Variants in CHST12 observed in about 807,000 individuals in gnomAD.
The protein encoded by CHST12 is carbohydrate sulfotransferase 12, also known as carbohydrate (chondroitin 4) sulfotransferase 12.
Under a neutral mutation model 27.9 loss-of-function variants are expected in CHST12, and 23 were observed. The observed-to-expected ratio is 0.82, with a 90% CI of 0.59 to 1.17. CHST12 has a LOEUF of 1.17. Ranked by LOEUF, CHST12 falls within the 50% of genes most tolerant of loss-of-function variation. The pLI, the probability that CHST12 is intolerant of heterozygous loss-of-function variation, is 0.00. For missense variants in CHST12, 682 were observed against 603.0 expected, an observed-to-expected ratio of 1.13 and a Z score of -1.37; for synonymous variants, 322 against 273.0, an observed-to-expected ratio of 1.18 and a Z score of -1.77.
chr7:2,407,559 G>A (rs949300256), intron 1 of CHST12, among the ~76,000 whole-genome samples: 1 of 152,180 alleles, frequency 6.6e-6, no homozygotes, highest in African/African-American at 2.4e-5. Context: ...GGGTTAAAGA[G>A]GCTCACCCAG....
At position 2,433,575 on chromosome 7, in the gene CHST12, G is replaced by A. The variant is rs780708618; in HGVS notation, c.936G>A (p.Thr312=). The A allele has an allele frequency of 5.6e-6, 9 of 1,613,570 alleles. No individual in the cohort carries two copies. The highest frequency in any genetic ancestry group is 2.2e-5 in the South Asian group (2 of 91,078). The change falls in exon 2 of 2, where the codon ACG becomes ACA. Residue 312 remains threonine, a synonymous_variant. Coordinates refer to ENST00000618655, the MANE Select transcript of CHST12 (RefSeq NM_018641.5). The surrounding 1 kb of genome is among the most constrained non-coding windows in gnomAD (Gnocchi z 6.1). ...TCCAGTACCTGCTGGACCCGCACAC[G>A]GAGAAGCTGGCGCCCTTCAACGAGC... The part of the protein sequence containing the change: ...NFIQYLLDPH[T]EKLAPFNEHW...
Position 2,432,780 on chromosome 7 carries a change from G to A in CHST12, c.141G>A (p.Pro47=), listed in dbSNP as rs1040334821. The change falls in exon 2 of 2, where the codon CCG becomes CCA. Residue 47 remains proline, a synonymous_variant. Coordinates refer to ENST00000618655, the MANE Select transcript of CHST12 (RefSeq NM_018641.5). ...CCTTCTCTAGGCCGCACACGGGGCC[G>A]CCGCTGCCCACGCCCGGGCCGGACA... ...HTSFSRPHTG[P]PLPTPGPDRD... The A allele has an allele frequency of 1.2e-6, 2 of 1,613,558 alleles. No homozygotes were observed. The highest frequency in any genetic ancestry group is 1.7e-6 in the Non-Finnish European group (2 of 1,179,780).
At position 2,442,071 on chromosome 7, in the gene CHST12, C is replaced by T. The variant is rs1476919947; in HGVS notation, c.*8187C>T. On this transcript the variant is annotated 3_prime_UTR_variant, in exon 2 of 2. Coordinates refer to ENST00000618655, the MANE Select transcript of CHST12 (RefSeq NM_018641.5). ...CCACTGTGCCGCCCCCCCAAAGCCC[C>T]TGGCACCAACCATTCTACTTCCTGT... 6.6e-6 allele frequency: 1 copy of T among 152,222 alleles called. No homozygotes were observed. The highest frequency in any genetic ancestry group is 1.9e-4 in the East Asian group (1 of 5,202). 9.4% of individuals were successfully genotyped at this position (152,222 alleles called of 1,614,324 possible). A position where few individuals can be genotyped will look rare whatever the true frequency, so the allele number is the denominator to read the frequency against.
rs17132395 is a variant in CHST12, at chr7:2,432,964, C to T, written c.325C>T (p.Arg109Cys). 2.5e-6 allele frequency: 4 copies of T among 1,609,346 alleles called. No homozygotes were observed. Among genetic ancestry groups the T allele is most frequent in the East Asian group, 2.2e-5 (1 of 44,768 alleles). Reference sequence around the variant, plus strand: ...CGTGAGAGGCTACGACTGGTCCCCGCGCGACGCCCGGCGCAGCCCAGACCA... The same window carrying T: ...CGTGAGAGGCTACGACTGGTCCCCGTGCGACGCCCGGCGCAGCCCAGACCA... ...ESVRGYDWSPRDARRSPDQGR... is the reference protein window; with the variant it reads ...ESVRGYDWSPCDARRSPDQGR... The change falls in exon 2 of 2, where the codon CGC becomes TGC. Residue 109 changes from arginine to cysteine, a missense_variant. Coordinates refer to ENST00000618655, the MANE Select transcript of CHST12 (RefSeq NM_018641.5).
intron 1 of CHST12, among the ~76,000 whole-genome samples, chr7:2,429,271 C>T (rs891516672): frequency 3.3e-5 from 5 of 152,192 alleles, no homozygotes; most frequent in African/African-American, 7.2e-5. Context: ...GACAGGGTTT[C>T]GCCATGTTGG....
chr7:2,424,238 C>T (rs1177153506), intron 1 of CHST12, among the ~76,000 whole-genome samples: 2 of 151,414 alleles, frequency 1.3e-5, no homozygotes, highest in African/African-American at 2.4e-5. Flanking sequence ...CACCCATGGC[C>T]CCAGCTTTTT....
rs1246381664 is a variant in CHST12 at position 2,440,976 on chromosome 7, T to G, written c.*7092T>G. ...TTTTTCCTTGTCTAAGCACCATCCTTGCTTAGGAGAGACACGGCTGTGGCT... is the reference window on the plus strand; with the variant it reads ...TTTTTCCTTGTCTAAGCACCATCCTGGCTTAGGAGAGACACGGCTGTGGCT... On this transcript the variant is annotated 3_prime_UTR_variant, in exon 2 of 2. Transcript: ENST00000618655. The G allele has an allele frequency of 2.0e-5, 3 of 152,158 alleles. No homozygotes were observed. Among genetic ancestry groups the G allele is most frequent in the Non-Finnish European group, 4.4e-5 (3 of 68,022 alleles). The allele number at this position is 152,158 out of a possible 1,614,324, so 9.4% of individuals were successfully genotyped here. A position where few individuals can be genotyped will look rare whatever the true frequency, so the allele number is the denominator to read the frequency against.
At chr7:2,425,964 G>T (rs1782107407) in intron 1 of CHST12, among the ~76,000 whole-genome samples, 1 of 152,114 alleles carries the variant, frequency 6.6e-6, no homozygotes, top group South Asian at 2.1e-4. Flanking sequence ...TGGGGGAAGG[G>T]CCTGGCAGAA....
At chr7:2,423,137 A>G (rs1179507608) in intron 1 of CHST12, among the ~76,000 whole-genome samples, 4 of 151,694 alleles carry the variant, frequency 2.6e-5, no homozygotes, top group African/African-American at 4.8e-5. Context: ...TTAGCCGGGC[A>G]TGGTGCGTGC....
At position 2,435,582 on chromosome 7, in the gene CHST12, C is replaced by G. The variant is rs1462703793; in HGVS notation, c.*1698C>G. The G allele has an allele frequency of 1.3e-5, 2 of 152,160 alleles. No homozygotes were observed. Among genetic ancestry groups the G allele is most frequent in the South Asian group, 2.1e-4 (1 of 4,822 alleles). The allele number at this position is 152,160 out of a possible 1,614,324, so 9.4% of individuals were successfully genotyped here. ...GCAATCATTTCGTGGTGTCGGGCAC[C>G]CTGCTTGACCTGTCTTCCTCGTGTG... On this transcript the variant is annotated 3_prime_UTR_variant, in exon 2 of 2. Transcript: ENST00000618655.
intron 1 of CHST12, among the ~76,000 whole-genome samples, chr7:2,414,965 A>T (rs1055300313): frequency 8.5e-5 from 13 of 152,226 alleles, no homozygotes; most frequent in Admixed American, 7.2e-4. Context: ...ATTTATCTCT[A>T]CAGGCATACT....
intron 1 of CHST12, among the ~76,000 whole-genome samples, chr7:2,432,006 T>C (rs191574088): frequency 1.0e-3 from 155 of 151,650 alleles, no homozygotes; most frequent in Admixed American, 4.3e-3. Flanking sequence ...TGGTTTATTA[T>C]AGGAAAAGGA....
At position 2,434,130 on chromosome 7, in the gene CHST12, C is replaced by CCGCCCGCCCGCT. The variant is rs1562522274; in HGVS notation, c.*249_*250insCCGCCCGCTCGC. On this transcript the variant is annotated 3_prime_UTR_variant, in exon 2 of 2. Transcript: ENST00000618655. ...CCCGCCCACCCGCCCGCCCGCTCGC[C>CCGCCCGCCCGCT]CGCTCGCCCGCTCCTGTGGTTTTTC... 15 of 346,696 alleles carry CCGCCCGCCCGCT rather than the reference C, an allele frequency of 4.3e-5. No individual in the cohort carries two copies. Among genetic ancestry groups the CCGCCCGCCCGCT allele is most frequent in the African/African-American group, 1.9e-4 (9 of 46,674 alleles). The allele number at this position is 346,696 out of a possible 1,614,324, so 21.5% of individuals were successfully genotyped here. A position where few individuals can be genotyped will look rare whatever the true frequency, so the allele number is the denominator to read the frequency against.
rs1446463077 is a variant in CHST12, at chr7:2,447,839, G to T, written c.*13955G>T. 6.6e-6 allele frequency: 1 copy of T among 151,464 alleles called. No homozygotes were observed. 9.4% of individuals were successfully genotyped at this position (151,464 alleles called of 1,614,324 possible). ...TTAACAAAGTTAAGAAATAAAGAAT[G>T]GCTATTCCATAGGGAGAGCAGCCTG... On this transcript the variant is annotated 3_prime_UTR_variant, in exon 2 of 2. Transcript: ENST00000618655.
rs576093016 is a variant in CHST12, at chr7:2,440,562, C to T, written c.*6678C>T. The T allele has an allele frequency of 1.0e-3, 155 of 152,336 alleles. No individual in the cohort carries two copies. Among genetic ancestry groups the T allele is most frequent in the Non-Finnish European group, 1.9e-3 (131 of 68,152 alleles). 9.4% of individuals were successfully genotyped at this position (152,336 alleles called of 1,614,324 possible). On this transcript the variant is annotated 3_prime_UTR_variant, in exon 2 of 2. Transcript: ENST00000618655. ...GATGAGGCTCGGTTGTGAGTAGGAGCGGGGTGGGCCACCGAAGAGAAGACA... is the reference window on the plus strand; with the variant it reads ...GATGAGGCTCGGTTGTGAGTAGGAGTGGGGTGGGCCACCGAAGAGAAGACA...
intron 1 of CHST12, among the ~76,000 whole-genome samples, chr7:2,421,511 A>G (rs994891372): frequency 6.9e-6 from 1 of 145,974 alleles, no homozygotes; most frequent in Admixed American, 7.2e-5. Context: ...ATCTTGGCTC[A>G]CTGCAACTTC....
rs61141946 is a variant in CHST12, at chr7:2,434,126, T to TCGCC, written c.*246_*249dup. 2.8e-4 allele frequency: 89 copies of TCGCC among 318,766 alleles called. No homozygotes were observed. The highest frequency in any genetic ancestry group is 1.7e-3 in the African/African-American group (71 of 41,030). The allele number at this position is 318,766 out of a possible 1,614,324, so 19.7% of individuals were successfully genotyped here. On this transcript the variant is annotated 3_prime_UTR_variant, in exon 2 of 2. Transcript: ENST00000618655. ...TCCGCCCGCCCACCCGCCCGCCCGC[T>TCGCC]CGCCCGCTCGCCCGCTCCTGTGGTT...
intron 1 of CHST12, among the ~76,000 whole-genome samples, chr7:2,420,047 C>T (rs1006215638): frequency 6.9e-6 from 1 of 145,706 alleles, no homozygotes; most frequent in East Asian, 2.1e-4. Context: ...GATCTCACCT[C>T]ACTGTAAGCT....
At chr7:2,412,677 G>T (rs1486901495) in intron 1 of CHST12, among the ~76,000 whole-genome samples, 1 of 152,140 alleles carries the variant, frequency 6.6e-6, no homozygotes, top group African/African-American at 2.4e-5. Context: ...GAGCAGAGTG[G>T]CAAGGAAGGG....
Sources: gnomAD v4.1 joint callset for allele counts (sites outside exome capture counted in the v4.1 genomes callset) on GRCh38, gnomAD v4.1.1 for gene constraint, Gnocchi (gnomAD v3.1) non-coding constraint, MANE v1.5 for transcripts, NCBI Gene and HGNC (gene_info 2026-07-23, HGNC 2026-07-21) for gene names.